The following CHLSN variants were observed in gnomAD, a reference collection of about 807,000 sequenced individuals.
The protein encoded by CHLSN is cholesin.
chr7:1,135,259 T>G, the CHLSN span, among the ~76,000 whole-genome samples: 1 of 152,118 alleles, frequency 6.6e-6, no homozygotes, highest in Non-Finnish European at 1.5e-5. Flanking sequence ...TGACTTTGTT[T>G]CCTCTCTTTA....
chr7:1,123,046 A>T, the CHLSN span, among the ~76,000 whole-genome samples: 4 of 152,056 alleles, frequency 2.6e-5, no homozygotes, highest in South Asian at 8.3e-4. This position sits in a 1 kb window ranked among gnomAD's most constrained non-coding sequence, Gnocchi z 4.4. Context: ...GCCCTCCGGG[A>T]TGGGGAGCTC....
the CHLSN span, chr7:1,058,549 T>A: frequency 1.3e-6 from 1 of 755,798 alleles, no homozygotes; most frequent in South Asian, 1.4e-5. Flanking sequence ...GACGTGACTC[T>A]GGTGGACGCA....
chr7:1,113,558 G>A, the CHLSN span, among the ~76,000 whole-genome samples: 2 of 152,206 alleles, frequency 1.3e-5, no homozygotes, highest in Non-Finnish European at 2.9e-5. Context: ...ATGCAGAACA[G>A]CTGGAATCGG....
chr7:989,753 C>T, the CHLSN span: 1 of 188,832 alleles, frequency 5.3e-6, no homozygotes, highest in Non-Finnish European at 1.1e-5. Context: ...GCACTCCAGC[C>T]TGGGTGACAG....
At chr7:1,106,049 T>C in the CHLSN span, among the ~76,000 whole-genome samples, 2 of 152,114 alleles carry the variant, frequency 1.3e-5, no homozygotes, top group Non-Finnish European at 2.9e-5. Context: ...CCTTGTATGA[T>C]TTCGATGCTG....
chr7:1,123,597 CTT>C, the CHLSN span, among the ~76,000 whole-genome samples: 2 of 147,388 alleles, frequency 1.4e-5, no homozygotes, highest in Non-Finnish European at 3.0e-5. The surrounding 1 kb of genome is among the most constrained non-coding windows in gnomAD (Gnocchi z 4.4). Context: ...ACGCTTGAAA[CTT>C]TTTTTTTTTT....
chr7:985,722 G>T, the CHLSN span, among the ~76,000 whole-genome samples: 1 of 152,210 alleles, frequency 6.6e-6, no homozygotes, highest in Non-Finnish European at 1.5e-5. Context: ...TCACCCCTCT[G>T]ATGTTTGGAA....
At chr7:985,879 G>C in the CHLSN span, among the ~76,000 whole-genome samples, 1 of 152,214 alleles carries the variant, frequency 6.6e-6, no homozygotes, top group Non-Finnish European at 1.5e-5. Context: ...AGTCCTCCTG[G>C]CTTCCCAGAG....
chr7:1,039,267 G>A, the CHLSN span, among the ~76,000 whole-genome samples: 6 of 39,688 alleles, frequency 1.5e-4, no homozygotes, highest in African/African-American at 1.3e-3. Context: ...CCGGCCAGCC[G>A]CCCCGTCCAG....
At chr7:1,058,299 C>G in the CHLSN span, 1 of 774,720 alleles carries the variant, frequency 1.3e-6, no homozygotes, top group Non-Finnish European at 2.4e-6. Flanking sequence ...CATCATCTCG[C>G]GAGGGAAGCC....
the CHLSN span, among the ~76,000 whole-genome samples, chr7:1,010,672 A>G: frequency 6.6e-6 from 1 of 152,088 alleles, no homozygotes; most frequent in African/African-American, 2.4e-5. Flanking sequence ...CCCCCAAGGG[A>G]GGGAGAGGGC....
At chr7:1,043,956 A>T in the CHLSN span, 4 of 152,278 alleles carry the variant, frequency 2.6e-5, no homozygotes, top group Non-Finnish European at 5.9e-5. Context: ...CAAAAATTAC[A>T]GCAAAGTAAA....
At chr7:997,668 C>G in the CHLSN span, 1 of 1,610,186 alleles carries the variant, frequency 6.2e-7, no homozygotes, top group Middle Eastern at 1.7e-4. Context: ...CTGGGCCCTC[C>G]CCGGCAGGGG....
At chr7:993,691 G>A in the CHLSN span, among the ~76,000 whole-genome samples, 6 of 152,254 alleles carry the variant, frequency 3.9e-5, no homozygotes, top group East Asian at 7.7e-4. Flanking sequence ...GAGGAGAATC[G>A]CCTGAGCCCA....
At chr7:1,083,627 C>CA in the CHLSN span, among the ~76,000 whole-genome samples, 900 of 133,730 alleles carry the variant, frequency 6.7e-3, 10 homozygotes, top group African/African-American at 0.021. Flanking sequence ...GACTCCATCT[C>CA]AAAAAAAAAA....
the CHLSN span, among the ~76,000 whole-genome samples, chr7:1,016,926 ACAGCAGCACACGC>A: frequency 3.1e-4 from 40 of 129,674 alleles, 2 homozygotes; most frequent in African/African-American, 9.5e-4. Context: ...ACAGCAGCAC[ACAGCAGCACACGC>A]CAGCACACGC....
the CHLSN span, chr7:1,010,077 G>A: frequency 3.7e-6 from 6 of 1,612,852 alleles, no homozygotes; most frequent in African/African-American, 6.7e-5. Context: ...TTCCTTTCCA[G>A]GACCCTCTGC....
At chr7:1,083,711 T>C in the CHLSN span, among the ~76,000 whole-genome samples, 1 of 151,392 alleles carries the variant, frequency 6.6e-6, no homozygotes, top group Non-Finnish European at 1.5e-5. Context: ...GTGCTCAGCA[T>C]GCTGTGGTCA....
chr7:1,050,334 G>T, the CHLSN span, among the ~76,000 whole-genome samples: 1 of 152,242 alleles, frequency 6.6e-6, no homozygotes, highest in Non-Finnish European at 1.5e-5. Context: ...ATTTGCTCAG[G>T]CTCAGAGCAG....
Sources: gnomAD v4.1 joint callset for allele counts (sites outside exome capture counted in the v4.1 genomes callset) on GRCh38, gnomAD v4.1.1 for gene constraint, Gnocchi (gnomAD v3.1) non-coding constraint, MANE v1.5 for transcripts, NCBI Gene and HGNC (gene_info 2026-07-23, HGNC 2026-07-21) for gene names.